PCDHA12: variants seen among roughly 807,000 people sequenced by gnomAD.
The protein encoded by PCDHA12 is protocadherin alpha 12, also known as protocadherin alpha-12.
In PCDHA12, 44 loss-of-function variants were observed where a neutral mutation model predicts 60.0. That is an observed-to-expected ratio of 0.73 (90% confidence interval 0.58 to 0.94). The LOEUF is 0.94. Among genes scored for constraint, PCDHA12 ranks in the 40% least tolerant of loss-of-function variants. PCDHA12 has a pLI of 0.00. For missense variants in PCDHA12, 1,276 were observed against 1,239.7 expected (o/e 1.03, Z -0.44); for synonymous variants, 569 against 553.0 (o/e 1.03, Z -0.40).
chr5:140,943,742 T>C (rs1326111617), intron 1 of PCDHA12, among the ~76,000 whole-genome samples: 2 of 152,200 alleles, frequency 1.3e-5, no homozygotes, highest in Non-Finnish European at 2.9e-5. Context: ...GTCCACAGTC[T>C]AAAAGCAGTA....
In PCDHA12 at chr5:140,979,026, A is replaced by AT. The variant is rs2096832382; in HGVS notation, c.2426+21dup. On this transcript the variant is annotated intron_variant, in intron 2 of 3. Coordinates refer to ENST00000398631, the MANE Select transcript of PCDHA12 (RefSeq NM_018903.4). ...TGCACAGGTATGTATTTCCCTCCTC[A>AT]TTCACTCAGAAGTAACCTTAACTTG... 1 of 1,613,372 alleles carries AT rather than the reference A, an allele frequency of 6.2e-7. No homozygotes were observed. The highest frequency in any genetic ancestry group is 1.3e-5 in the African/African-American group (1 of 74,882).
chr5:140,886,129 A>G (rs1428853250), intron 1 of PCDHA12, among the ~76,000 whole-genome samples: 1 of 152,224 alleles, frequency 6.6e-6, no homozygotes, highest in Non-Finnish European at 1.5e-5. Flanking sequence ...TTCCGTAACA[A>G]CCAGATTCTT....
intron 1 of PCDHA12, among the ~76,000 whole-genome samples, chr5:140,895,833 C>G (rs1325973837): frequency 2.0e-5 from 3 of 152,038 alleles, no homozygotes; most frequent in Non-Finnish European, 2.9e-5. Context: ...TTTTTTCAGA[C>G]AAAGTCTCAC....
intron 1 of PCDHA12, among the ~76,000 whole-genome samples, chr5:140,905,413 A>T (rs2071819141): frequency 6.6e-6 from 1 of 152,180 alleles, no homozygotes; most frequent in South Asian, 2.1e-4. Flanking sequence ...TTATACCAGT[A>T]CCATGCTGGT....
At chr5:140,968,580 C>T (rs782395602) in intron 1 of PCDHA12, 1 of 1,614,218 alleles carries the variant, frequency 6.2e-7, no homozygotes, top group Admixed American at 1.7e-5. Context: ...TACCTGGTCA[C>T]CAAAGTCATA....
rs34755515 is a variant in PCDHA12 at position 141,000,421 on chromosome 5, A to ATTT, written c.2516-9185_2516-9183dup. 5.4e-3 allele frequency among the ~76,000 whole-genome samples: 150 copies of ATTT among 27,982 alleles called. 11 individuals are homozygous for ATTT. Among genetic ancestry groups the ATTT allele is most frequent in the Non-Finnish European group, 6.0e-3 (106 of 17,660 alleles). The allele number at this position is 27,982 out of a possible 152,430, so 18.4% of individuals were successfully genotyped here. On this transcript the variant is annotated intron_variant, in intron 3 of 3. Coordinates refer to ENST00000398631, the MANE Select transcript of PCDHA12 (RefSeq NM_018903.4). ...TATATATATATATATATATATATAT[A>ATTT]TTTTTTTTTTTTTTTTTTTTTTTGA...
rs202184948 is a variant in PCDHA12 at position 140,888,065 on chromosome 5, T to C, written c.2367+10226T>C. 4.6e-5 allele frequency among the ~76,000 whole-genome samples: 7 copies of C among 152,338 alleles called. No homozygotes were observed. The East Asian group carries it at 5.8e-4, about 13-fold the overall frequency. On this transcript the variant is annotated intron_variant, in intron 1 of 3. Transcript: ENST00000398631. Reference sequence around the variant, plus strand: ...TATAATAGATGTTTTAACTTTCTTGTCTGCTAATTTCAACATTTTTGTCCT... The same window carrying C: ...TATAATAGATGTTTTAACTTTCTTGCCTGCTAATTTCAACATTTTTGTCCT...
intron 1 of PCDHA12, among the ~76,000 whole-genome samples, chr5:140,894,001 G>A (rs2064275871): frequency 6.6e-6 from 1 of 152,098 alleles, no homozygotes; most frequent in African/African-American, 2.4e-5. Context: ...CAATTGTATG[G>A]TTGGTTCAAA....
At chr5:140,887,204 C>T (rs1438790748) in intron 1 of PCDHA12, among the ~76,000 whole-genome samples, 7 of 151,828 alleles carry the variant, frequency 4.6e-5, no homozygotes, top group African/African-American at 1.5e-4. Flanking sequence ...TCACGCCATT[C>T]TCCTGCCTCA....
chr5:140,909,072 C>A (rs2074300655), intron 1 of PCDHA12, among the ~76,000 whole-genome samples: 1 of 152,162 alleles, frequency 6.6e-6, no homozygotes, highest in African/African-American at 2.4e-5. Flanking sequence ...CCAATAAGCC[C>A]AGTGTGTTTG....
At chr5:140,938,631 T>C (rs1554212262) in intron 1 of PCDHA12, among the ~76,000 whole-genome samples, 1 of 152,208 alleles carries the variant, frequency 6.6e-6, no homozygotes. Context: ...AGGTTGCTTA[T>C]GATGTATAAT....
intron 1 of PCDHA12, among the ~76,000 whole-genome samples, chr5:140,949,545 T>G (rs1173643616): frequency 6.6e-6 from 1 of 151,906 alleles, no homozygotes; most frequent in Non-Finnish European, 1.5e-5. Flanking sequence ...ATCGATTTGT[T>G]GCTGGTCATA....
chr5:140,958,617 A>C (rs2095434462), intron 1 of PCDHA12, among the ~76,000 whole-genome samples: 1 of 152,204 alleles, frequency 6.6e-6, no homozygotes, highest in Admixed American at 6.5e-5. Flanking sequence ...ATACTAGTCC[A>C]GCTTGAGAGT....
intron 1 of PCDHA12, chr5:140,927,902 C>T (rs782319959): frequency 1.5e-5 from 25 of 1,614,182 alleles, no homozygotes; most frequent in Non-Finnish European, 2.1e-5. Flanking sequence ...AACGATCATG[C>T]CCCCGAACTG....
At chr5:140,911,312 T>C (rs2075424091) in intron 1 of PCDHA12, among the ~76,000 whole-genome samples, 1 of 152,154 alleles carries the variant, frequency 6.6e-6, no homozygotes, top group African/African-American at 2.4e-5. Context: ...CCATTCCAAG[T>C]TTCAGGATCC....
At chr5:140,884,049 T>C (rs1268930422) in intron 1 of PCDHA12, 2 of 1,613,296 alleles carry the variant, frequency 1.2e-6, no homozygotes, top group African/African-American at 1.3e-5. Flanking sequence ...GTGGCGAAGG[T>C]GCGCGCGGTG....
At chr5:140,953,062 C>A (rs2094842577) in intron 1 of PCDHA12, among the ~76,000 whole-genome samples, 1 of 152,160 alleles carries the variant, frequency 6.6e-6, no homozygotes, top group East Asian at 1.9e-4. Context: ...CTCTCACAGG[C>A]CCCATCTCCA....
intron 1 of PCDHA12, among the ~76,000 whole-genome samples, chr5:140,913,052 A>G (rs1554195709): frequency 6.6e-6 from 1 of 151,874 alleles, no homozygotes; most frequent in African/African-American, 2.4e-5. Context: ...CTGGAGTTTT[A>G]TTTTATTTTG....
rs189901944 is a variant in PCDHA12, at chr5:140,916,206, G to A, written c.2367+38367G>A. 4.6e-3 allele frequency among the ~76,000 whole-genome samples: 705 copies of A among 152,282 alleles called. 3 individuals carry two copies. The highest frequency in any genetic ancestry group is 0.016 in the African/African-American group (682 of 41,562). ...AGGAAGTGGGCACCCCTCTGCCCTG[G>A]GGAAGATCCAAATATGCTTTCCAGG... On this transcript the variant is annotated intron_variant, in intron 1 of 3. Transcript: ENST00000398631.
Sources: allele counts gnomAD v4.1 joint callset (sites outside exome capture counted in the v4.1 genomes callset), GRCh38; gene constraint gnomAD v4.1.1; transcripts MANE v1.5; gene names NCBI Gene and HGNC (gene_info 2026-07-23, HGNC 2026-07-21).